CDKAL1: variants seen among roughly 807,000 people sequenced by gnomAD.
CDKAL1 encodes the protein CDKAL1 threonylcarbamoyladenosine tRNA methylthiotransferase.
CDKAL1 carries 32 observed loss-of-function variants against 68.2 expected under a neutral mutation model. That is an observed-to-expected ratio of 0.47 (90% CI 0.35 to 0.63). The LOEUF is 0.63. Ranked by LOEUF, CDKAL1 falls within the 30% of genes least tolerant of loss-of-function variation. The pLI, the probability that CDKAL1 is intolerant of heterozygous loss-of-function variation, is 0.00. For missense variants in CDKAL1, 606 were observed against 696.7 expected (o/e 0.87, Z 1.47); for synonymous variants, 234 against 244.3 (o/e 0.96, Z 0.39).
intron 12 of CDKAL1, among the ~76,000 whole-genome samples, chr6:21,070,571 C>T (rs182892762): frequency 6.6e-6 from 1 of 152,020 alleles, no homozygotes; most frequent in Admixed American, 6.5e-5. Flanking sequence ...CTTGAGGATT[C>T]TTGGTGTTTT....
intron 13 of CDKAL1, among the ~76,000 whole-genome samples, chr6:21,165,979 A>G (rs2151069447): frequency 6.6e-6 from 1 of 152,304 alleles, no homozygotes; most frequent in Middle Eastern, 3.4e-3. Context: ...TACCTGTGTG[A>G]CCTTCGGAAA....
intron 4 of CDKAL1, among the ~76,000 whole-genome samples, chr6:20,634,201 C>T (rs1767797011): frequency 1.3e-5 from 2 of 152,150 alleles, no homozygotes; most frequent in Admixed American, 1.3e-4. Flanking sequence ...GGGCCTGCTC[C>T]TTTACTAAAT....
intron 4 of CDKAL1, among the ~76,000 whole-genome samples, chr6:20,633,149 A>G (rs887918773): frequency 4.6e-5 from 7 of 152,234 alleles, no homozygotes; most frequent in East Asian, 1.9e-4. Flanking sequence ...AACATTTTCA[A>G]TACCACACAA....
At chr6:21,124,172 G>T (rs1774868992) in intron 13 of CDKAL1, among the ~76,000 whole-genome samples, 1 of 152,098 alleles carries the variant, frequency 6.6e-6, no homozygotes, top group Non-Finnish European at 1.5e-5. Context: ...CTTCACTCAA[G>T]GATTGCAAAA....
chr6:21,212,902 C>G (rs1779208868), intron 15 of CDKAL1, among the ~76,000 whole-genome samples: 1 of 152,118 alleles, frequency 6.6e-6, no homozygotes, highest in Non-Finnish European at 1.5e-5. Context: ...GGGCAGTTTT[C>G]TGATAGGAAG....
intron 4 of CDKAL1, among the ~76,000 whole-genome samples, chr6:20,595,460 G>A (rs189153020): frequency 3.3e-5 from 5 of 151,832 alleles, no homozygotes; most frequent in South Asian, 2.1e-4. Flanking sequence ...CGCTTGATCC[G>A]TTTGGCTATT....
intron 5 of CDKAL1, among the ~76,000 whole-genome samples, chr6:20,670,027 T>TA (rs1321523636): frequency 6.6e-6 from 1 of 152,228 alleles, no homozygotes; most frequent in African/African-American, 2.4e-5. Flanking sequence ...GGATAGGATT[T>TA]GATTTTAGCA....
At chr6:21,115,938 T>A (rs767108678) in intron 13 of CDKAL1, among the ~76,000 whole-genome samples, 3 of 150,988 alleles carry the variant, frequency 2.0e-5, no homozygotes, top group Non-Finnish European at 4.4e-5. Context: ...AGCTGAGCTG[T>A]TTCCTGCTTC....
At chr6:20,664,804 A>G (rs1326318279) in intron 5 of CDKAL1, among the ~76,000 whole-genome samples, 1 of 152,148 alleles carries the variant, frequency 6.6e-6, no homozygotes, top group Non-Finnish European at 1.5e-5. Flanking sequence ...TTGTCATTTC[A>G]GATACTTGTA....
chr6:20,732,661 A>G (rs1773009704), intron 5 of CDKAL1, among the ~76,000 whole-genome samples: 1 of 152,136 alleles, frequency 6.6e-6, no homozygotes, highest in Non-Finnish European at 1.5e-5. Context: ...CCATAAGGCT[A>G]GTTAAGCCCC....
intron 5 of CDKAL1, among the ~76,000 whole-genome samples, chr6:20,736,137 T>C (rs191296800): frequency 0.022 from 3,395 of 151,862 alleles, 121 homozygotes; most frequent in African/African-American, 0.076. Flanking sequence ...TTTTTTTTTT[T>C]TCTCTCTGTT....
chr6:21,040,556 G>A (rs1769862424), intron 11 of CDKAL1, among the ~76,000 whole-genome samples: 1 of 152,050 alleles, frequency 6.6e-6, no homozygotes, highest in Non-Finnish European at 1.5e-5. Context: ...GTAAATTATG[G>A]ATTTAAATAG....
chr6:20,785,949 A>G (rs1262024930), intron 8 of CDKAL1, among the ~76,000 whole-genome samples: 1 of 152,156 alleles, frequency 6.6e-6, no homozygotes, highest in Non-Finnish European at 1.5e-5. Flanking sequence ...GGCTAGGTGC[A>G]GTGGATCATG....
At chr6:21,127,958 A>G (rs780465684) in intron 13 of CDKAL1, among the ~76,000 whole-genome samples, 8 of 152,134 alleles carry the variant, frequency 5.3e-5, no homozygotes, top group Non-Finnish European at 8.8e-5. Context: ...TTCTTTGATC[A>G]CTGGTTTTGT....
intron 4 of CDKAL1, among the ~76,000 whole-genome samples, chr6:20,552,009 G>A (rs1763852861): frequency 6.7e-6 from 1 of 148,888 alleles, no homozygotes; most frequent in Non-Finnish European, 1.5e-5. Context: ...GACTACAGTT[G>A]TGTGCCTGGC....
At chr6:20,707,993 A>G (rs76218758) in intron 5 of CDKAL1, among the ~76,000 whole-genome samples, 1,209 of 101,028 alleles carry the variant, frequency 0.012, 17 homozygotes, top group African/African-American at 0.039. Flanking sequence ...TATGTAGTAT[A>G]TTATAAGAGT....
At chr6:21,201,965 A>G (rs1054471702) in intron 15 of CDKAL1, among the ~76,000 whole-genome samples, 2 of 152,172 alleles carry the variant, frequency 1.3e-5, no homozygotes, top group African/African-American at 2.4e-5. Context: ...CTTAAAAAAA[A>G]AAAGCATATA....
At chr6:20,713,698 T>A (rs1581430013) in intron 5 of CDKAL1, among the ~76,000 whole-genome samples, 1 of 152,158 alleles carries the variant, frequency 6.6e-6, no homozygotes, top group South Asian at 2.1e-4. Flanking sequence ...TTTTTCTTTT[T>A]TTTCTTGTTA....
rs1310686190 is a variant in CDKAL1 at position 20,638,252 on chromosome 6, A to AT, written c.287-11033dup. On this transcript the variant is annotated intron_variant, in intron 4 of 15. Transcript: ENST00000274695. The stretch of plus-strand genomic sequence containing the variant: ...GACAGTCTAGTAAGTGAAAAATAGT[A>AT]TTTTTTTTAAAAAGTGCAGTTTTAG... Among the ~76,000 whole-genome samples, 10 of 152,208 alleles carry AT rather than the reference A, an allele frequency of 6.6e-5. No individual in the cohort carries two copies. In the East Asian group the frequency reaches 7.7e-4, roughly 12 times the overall value.
Sources: allele counts gnomAD v4.1 joint callset (sites outside exome capture counted in the v4.1 genomes callset), GRCh38; gene constraint gnomAD v4.1.1; transcripts MANE v1.5; gene names NCBI Gene and HGNC (gene_info 2026-07-23, HGNC 2026-07-21).